The following ZRSR2 variants were observed in gnomAD, a reference collection of about 807,000 sequenced individuals.
The protein encoded by ZRSR2 is zinc finger CCCH-type, RNA binding motif and serine/arginine rich 2.
In ZRSR2, 3 loss-of-function variants were observed where a neutral mutation model predicts 39.4. That is an observed-to-expected ratio of 0.08 (90% CI 0.03 to 0.20). The LOEUF is 0.20. ZRSR2 is among the 10% of genes least tolerant of loss of function. The probability of loss-of-function intolerance (pLI) is 1.00; values close to 1 mark genes in which losing one functional copy is unlikely to be tolerated. For missense variants in ZRSR2, 256 were observed against 391.5 expected (o/e 0.65, Z 2.92); for synonymous variants, 137 against 136.0 (o/e 1.01, Z -0.05).
chrX:15,818,308 G>A (rs763953401), intron 8 of ZRSR2, among the ~76,000 whole-genome samples: 1 of 112,453 alleles, frequency 8.9e-6, no homozygotes, highest in Non-Finnish European at 1.9e-5. Context: ...TTAAATCTGG[G>A]TAGTGCATAT....
chrX:15,803,947 A>T, intron 4 of ZRSR2, 151 bp downstream of exon 4: 1 of 987,116 alleles, frequency 1.0e-6, no homozygotes, highest in Non-Finnish European at 1.3e-6. Context: ...CCATCTCAAA[A>T]AGAAAAAAAA....
chrX:15,800,605 A>G (rs1435017532), intron 3 of ZRSR2, among the ~76,000 whole-genome samples: 2 of 112,420 alleles, frequency 1.8e-5, no homozygotes, highest in African/African-American at 6.5e-5. Context: ...AGAAAAAGAA[A>G]GTGTAAATGT....
At chrX:15,811,354 C>T (rs1932877520) in intron 7 of ZRSR2, among the ~76,000 whole-genome samples, 1 of 111,592 alleles carries the variant, frequency 9.0e-6, no homozygotes, top group Non-Finnish European at 1.9e-5. Context: ...TGCAGGATCC[C>T]TCATGTAGGA....
chrX:15,795,660 G>A (rs1006932248), intron 2 of ZRSR2, among the ~76,000 whole-genome samples: 5 of 111,616 alleles, frequency 4.5e-5, no homozygotes, highest in Non-Finnish European at 9.4e-5. Flanking sequence ...GGGGGTGGGG[G>A]TTAGCAGCTT....
chrX:15,800,658 A>G (rs1447286102), intron 3 of ZRSR2, among the ~76,000 whole-genome samples: 1 of 112,263 alleles, frequency 8.9e-6, no homozygotes, highest in Non-Finnish European at 1.9e-5. Flanking sequence ...ATTTATACAT[A>G]TTTTTCTATA....
intron 2 of ZRSR2, among the ~76,000 whole-genome samples, chrX:15,796,395 T>C (rs1932460759): frequency 8.9e-6 from 1 of 112,424 alleles, no homozygotes; most frequent in Admixed American, 9.5e-5. Context: ...CAAGGTGTTT[T>C]AAGTGAATAC....
chrX:15,804,726 T>C (rs1601815270), intron 5 of ZRSR2, among the ~76,000 whole-genome samples: 1 of 112,216 alleles, frequency 8.9e-6, no homozygotes, highest in African/African-American at 3.2e-5. Flanking sequence ...GAACTGCTTA[T>C]GACATGTCAG....
chrX:15,799,078 T>G (rs762098316), intron 2 of ZRSR2, among the ~76,000 whole-genome samples: 3 of 107,530 alleles, frequency 2.8e-5, no homozygotes, highest in African/African-American at 1.0e-4. Context: ...CCCAGCTACT[T>G]GGGAAGCTGA....
chrX:15,808,568 TTCTG>T (rs1385105595), intron 6 of ZRSR2, among the ~76,000 whole-genome samples: 1 of 110,875 alleles, frequency 9.0e-6, no homozygotes, highest in African/African-American at 3.3e-5. Context: ...TAACTTCTAT[TTCTG>T]TCTGTGGTGG....
chrX:15,812,399 T>C (rs1389040632), intron 7 of ZRSR2, among the ~76,000 whole-genome samples: 1 of 112,318 alleles, frequency 8.9e-6, no homozygotes, highest in African/African-American at 3.2e-5. Context: ...AGTAGACTGC[T>C]CTGTTCCCTT....
rs371311927 is a variant in ZRSR2, at chrX:15,806,424, A to G, written c.400-1809A>G. 7.2e-5 allele frequency among the ~76,000 whole-genome samples: 8 copies of G among 111,307 alleles called. No homozygotes were observed. In the East Asian group the frequency reaches 1.4e-3, roughly 20 times the overall value. ...ATCTGTACCTTTTAACAGATCATTCATTTAAAAAAAAAATTTTTTTGAGAT... is the reference window on the plus strand; with the variant it reads ...ATCTGTACCTTTTAACAGATCATTCGTTTAAAAAAAAAATTTTTTTGAGAT... On this transcript the variant is annotated intron_variant, in intron 5 of 10. Transcript: ENST00000307771.
chrX:15,802,664 G>T (rs1232435717), intron 3 of ZRSR2, among the ~76,000 whole-genome samples: 1 of 109,512 alleles, frequency 9.1e-6, no homozygotes, highest in Non-Finnish European at 1.9e-5. Context: ...TCACCATGTT[G>T]GCCAGCCTGG....
chrX:15,810,822 G>A (rs1359644176), intron 7 of ZRSR2, among the ~76,000 whole-genome samples: 1 of 104,795 alleles, frequency 9.5e-6, no homozygotes, highest in African/African-American at 3.5e-5. Flanking sequence ...TTTGAGACCA[G>A]CCTGGGCAAC....
intron 6 of ZRSR2, 92 bp downstream of exon 6, chrX:15,808,363 G>C: frequency 1.2e-6 from 1 of 816,397 alleles, no homozygotes; most frequent in Middle Eastern, 3.0e-4. Context: ...TGGTAGGTTA[G>C]TTAGATCATG....
chrX:15,794,251 T>TG (rs1932375272), intron 2 of ZRSR2, among the ~76,000 whole-genome samples: 1 of 111,159 alleles, frequency 9.0e-6, no homozygotes, highest in Non-Finnish European at 1.9e-5. Context: ...TTTTTGGATT[T>TG]GGGGTGCTCA....
At chrX:15,799,998 T>C in intron 3 of ZRSR2, 45 bp downstream of exon 3, 1 of 983,505 alleles carries the variant, frequency 1.0e-6, no homozygotes, top group Non-Finnish European at 1.4e-6. Flanking sequence ...GTTATTTTAT[T>C]GGAATATTAT....
At chrX:15,818,312 T>C (rs1933019579) in intron 8 of ZRSR2, among the ~76,000 whole-genome samples, 1 of 112,640 alleles carries the variant, frequency 8.9e-6, no homozygotes. Context: ...ATCTGGGTAG[T>C]GCATATATAG....
intron 2 of ZRSR2, among the ~76,000 whole-genome samples, chrX:15,796,856 CA>C (rs1411384670): frequency 5.9e-5 from 5 of 84,177 alleles, no homozygotes; most frequent in Non-Finnish European, 1.1e-4. Flanking sequence ...TGCAGTGGTG[CA>C]ATTTCGGCTC....
At chrX:15,798,712 G>T (rs1435648641) in intron 2 of ZRSR2, among the ~76,000 whole-genome samples, 1 of 112,179 alleles carries the variant, frequency 8.9e-6, no homozygotes, top group African/African-American at 3.2e-5. Flanking sequence ...ACTCAAGCCA[G>T]TTATCTTGTG....
Sources: gnomAD v4.1 joint callset for allele counts (sites outside exome capture counted in the v4.1 genomes callset) on GRCh38, gnomAD v4.1.1 for gene constraint, MANE v1.5 for transcripts, NCBI Gene and HGNC (gene_info 2026-07-23, HGNC 2026-07-21) for gene names.